The following MECOM variants were observed in gnomAD, a reference collection of about 807,000 sequenced individuals.
MECOM encodes the protein MDS1 and EVI1 complex locus, also known as histone-lysine N-methyltransferase MECOM.
Under a neutral mutation model 116.3 loss-of-function variants are expected in MECOM, and 13 were observed. The ratio of observed to expected loss-of-function variants is 0.11; its 90% confidence interval spans 0.07 to 0.18. MECOM has a LOEUF of 0.18. Ranked by LOEUF, MECOM falls within the 10% of genes least tolerant of loss-of-function variation. MECOM has a pLI of 1.00. For missense variants in MECOM, 1,299 were observed against 1,509.0 expected, an observed-to-expected ratio of 0.86 and a Z score of 2.31; for synonymous variants, 528 against 535.2, an observed-to-expected ratio of 0.99 and a Z score of 0.19.
chr3:169,111,478 T>C (rs1469593862), intron 9 of MECOM, among the ~76,000 whole-genome samples: 1 of 152,180 alleles, frequency 6.6e-6, no homozygotes, highest in Non-Finnish European at 1.5e-5. Flanking sequence ...TCCAGTTTAT[T>C]AGCCTATGAA....
At chr3:169,088,673 G>A (rs986951809) in intron 16 of MECOM, among the ~76,000 whole-genome samples, 13 of 152,126 alleles carry the variant, frequency 8.5e-5, no homozygotes, top group African/African-American at 2.9e-4. Flanking sequence ...AAATGACTCT[G>A]AGGTAATACA....
At chr3:169,410,728 G>A (rs1737427426) in intron 1 of MECOM, among the ~76,000 whole-genome samples, 4 of 152,028 alleles carry the variant, frequency 2.6e-5, no homozygotes, top group South Asian at 2.1e-4. Context: ...GCCCATTGAC[G>A]CCTATCAAAA....
chr3:169,401,641 C>T (rs11924292), intron 1 of MECOM, among the ~76,000 whole-genome samples: 5,266 of 152,154 alleles, frequency 0.035, 196 homozygotes, highest in African/African-American at 0.088. Flanking sequence ...GAAGTGGCCA[C>T]ACCCAAGAAG....
intron 1 of MECOM, among the ~76,000 whole-genome samples, chr3:169,607,601 T>C (rs1768752106): frequency 6.6e-6 from 1 of 152,262 alleles, no homozygotes; most frequent in African/African-American, 2.4e-5. Context: ...TTTCTTGTTA[T>C]TGAATATCCA....
intron 2 of MECOM, among the ~76,000 whole-genome samples, chr3:169,155,754 T>C (rs1741870228): frequency 1.3e-5 from 2 of 152,128 alleles, no homozygotes; most frequent in African/African-American, 4.8e-5. Context: ...CACAAATCTT[T>C]AGCACTGGTT....
At chr3:169,143,896 G>T in intron 2 of MECOM, 64 bp from the exon 3 acceptor site, 1 of 1,451,634 alleles carries the variant, frequency 6.9e-7, no homozygotes, top group African/African-American at 1.4e-5. Flanking sequence ...ATAATCAGTT[G>T]TTTGAAAATA....
At chr3:169,567,045 T>C (rs1051112736) in intron 1 of MECOM, among the ~76,000 whole-genome samples, 1 of 152,234 alleles carries the variant, frequency 6.6e-6, no homozygotes, top group Non-Finnish European at 1.5e-5. Flanking sequence ...GTGTTGACGA[T>C]GGTTTATGTC....
intron 1 of MECOM, among the ~76,000 whole-genome samples, chr3:169,558,636 A>G (rs1254590657): frequency 6.6e-6 from 1 of 152,238 alleles, no homozygotes; most frequent in Non-Finnish European, 1.5e-5. Flanking sequence ...GCCTCAGCCC[A>G]GAAAACTGAC....
intron 1 of MECOM, among the ~76,000 whole-genome samples, chr3:169,604,437 GT>G (rs36081308): frequency 0.25 from 38,619 of 152,146 alleles, 5,501 homozygotes; most frequent in Non-Finnish European, 0.32. Context: ...CCATGCCCTT[GT>G]TAATGATGGG....
intron 1 of MECOM, among the ~76,000 whole-genome samples, chr3:169,538,153 A>T (rs754895311): frequency 1.3e-5 from 2 of 152,218 alleles, no homozygotes; most frequent in Non-Finnish European, 2.9e-5. Flanking sequence ...CTCTATTGAG[A>T]TTCAGCCACT....
chr3:169,476,042 A>G lies in MECOM; in HGVS notation c.38-94518T>C, dbSNP rs1327443205. ...TCTCCCTAATCTAATTATGCCTTGA[A>G]GTTGTCTGCATTTGAGAAATTAATA... is the stretch of plus-strand genomic sequence containing the variant. On this transcript the variant is annotated intron_variant, in intron 1 of 16. Coordinates refer to ENST00000651503, the MANE Select transcript of MECOM (RefSeq NM_004991.4). Among the ~76,000 whole-genome samples, 9 of 152,328 alleles carry G rather than the reference A, an allele frequency of 5.9e-5. No individual in the cohort carries two copies. In the South Asian group the frequency reaches 1.9e-3, roughly 32 times the overall value.
At chr3:169,639,063 C>T (rs905457777) in intron 1 of MECOM, among the ~76,000 whole-genome samples, 1 of 152,048 alleles carries the variant, frequency 6.6e-6, no homozygotes, top group Admixed American at 6.6e-5. Context: ...TGAATAAGCT[C>T]CTGGAGGTGA....
intron 1 of MECOM, among the ~76,000 whole-genome samples, chr3:169,633,229 G>T (rs1436924761): frequency 1.3e-5 from 2 of 152,120 alleles, no homozygotes; most frequent in Non-Finnish European, 1.5e-5. Context: ...CAGGCAAGCA[G>T]ACTATTATAA....
chr3:169,112,250 T>C (rs538109980), intron 9 of MECOM, among the ~76,000 whole-genome samples: 6 of 152,288 alleles, frequency 3.9e-5, no homozygotes, highest in Middle Eastern at 3.4e-3. Flanking sequence ...ATGAACACAA[T>C]TCTATTCTGC....
At chr3:169,410,661 G>A (rs1294133774) in intron 1 of MECOM, among the ~76,000 whole-genome samples, 1 of 152,112 alleles carries the variant, frequency 6.6e-6, no homozygotes, top group East Asian at 1.9e-4. Context: ...AGTGAGTTGT[G>A]GAACTGTGCC....
In MECOM at chr3:169,100,867, C is replaced by T; in HGVS notation, c.2849+18G>A. 1 of 1,416,130 alleles carries T rather than the reference C, an allele frequency of 7.1e-7. No homozygotes were observed. Among genetic ancestry groups the T allele is most frequent in the South Asian group, 1.8e-5 (1 of 57,108 alleles). The allele number at this position is 1,416,130 out of a possible 1,614,324, so 87.7% of individuals were successfully genotyped here. On this transcript the variant is annotated intron_variant, in intron 12 of 16. Coordinates refer to ENST00000651503, the MANE Select transcript of MECOM (RefSeq NM_004991.4). The stretch of plus-strand genomic sequence containing the variant: ...TTACAATATTTATCAAGATATTTAG[C>T]AAATATCATTGTCAGACCTGTAAGG...
intron 1 of MECOM, among the ~76,000 whole-genome samples, chr3:169,423,925 C>T (rs768151855): frequency 6.6e-6 from 1 of 152,048 alleles, no homozygotes; most frequent in Non-Finnish European, 1.5e-5. Flanking sequence ...GAACCAAAAC[C>T]AAGCTGGGAT....
chr3:169,569,789 G>C (rs551889251), intron 1 of MECOM, among the ~76,000 whole-genome samples: 1 of 151,974 alleles, frequency 6.6e-6, no homozygotes, highest in Non-Finnish European at 1.5e-5. Flanking sequence ...TTATTTCAAA[G>C]AACTTTGAGA....
intron 2 of MECOM, among the ~76,000 whole-genome samples, chr3:169,371,647 A>G (rs1730157606): frequency 6.6e-6 from 1 of 152,020 alleles, no homozygotes; most frequent in South Asian, 2.1e-4. Flanking sequence ...TTGAATGTAT[A>G]CAATTATTAT....
Sources: allele counts gnomAD v4.1 joint callset (sites outside exome capture counted in the v4.1 genomes callset), GRCh38; gene constraint gnomAD v4.1.1; transcripts MANE v1.5; gene names NCBI Gene and HGNC (gene_info 2026-07-23, HGNC 2026-07-21).